The following LINGO2 variants were observed in gnomAD, a reference collection of about 807,000 sequenced individuals.
LINGO2 encodes leucine rich repeat and Ig domain containing 2, also known as leucine-rich repeat and immunoglobulin-like domain-containing nogo receptor-interacting protein 2.
In LINGO2, 14 loss-of-function variants were observed where a neutral mutation model predicts 30.6. The ratio of observed to expected loss-of-function variants is 0.46; its 90% CI spans 0.30 to 0.72. The LOEUF is 0.72. Ranked by LOEUF, LINGO2 falls within the 30% of genes least tolerant of loss-of-function variation. The pLI, the probability that LINGO2 is intolerant of heterozygous loss-of-function variation, is 0.07. For missense variants in LINGO2, 729 were observed against 751.7 expected (o/e 0.97, Z 0.35); for synonymous variants, 317 against 288.5 (o/e 1.10, Z -1.00).
the LINGO2 span, among the ~76,000 whole-genome samples, chr9:29,021,893 A>G: frequency 6.6e-6 from 1 of 152,318 alleles, no homozygotes; most frequent in Admixed American, 6.5e-5. Flanking sequence ...AAAGTTTTAA[A>G]TAGATTAACA....
the LINGO2 span, among the ~76,000 whole-genome samples, chr9:29,156,101 T>C: frequency 6.6e-6 from 1 of 152,162 alleles, no homozygotes. Context: ...ACTGCTACTA[T>C]AGATTGCTCT....
chr9:28,063,084 A>G (rs1825205812), intron 4 of LINGO2, among the ~76,000 whole-genome samples: 1 of 152,172 alleles, frequency 6.6e-6, no homozygotes. Context: ...TGACAGAAGG[A>G]AACCATAGAA....
the LINGO2 span, among the ~76,000 whole-genome samples, chr9:29,040,371 C>A: frequency 6.6e-6 from 1 of 151,694 alleles, no homozygotes; most frequent in South Asian, 2.1e-4. Context: ...ATACCAACAG[C>A]TAACTGAGAG....
chr9:28,244,259 G>T (rs1343952258), intron 4 of LINGO2, among the ~76,000 whole-genome samples: 1 of 152,136 alleles, frequency 6.6e-6, no homozygotes, highest in East Asian at 1.9e-4. Flanking sequence ...CAGAAATCAA[G>T]AAGTTCTTTG....
At chr9:28,948,085 C>G in the LINGO2 span, among the ~76,000 whole-genome samples, 7 of 152,110 alleles carry the variant, frequency 4.6e-5, no homozygotes, top group African/African-American at 1.7e-4. Context: ...CTTGATGACA[C>G]TATTGCTTGC....
At chr9:28,958,514 G>C in the LINGO2 span, among the ~76,000 whole-genome samples, 1 of 152,116 alleles carries the variant, frequency 6.6e-6, no homozygotes, top group Non-Finnish European at 1.5e-5. Context: ...AATGCCGACA[G>C]CCTCTCCAGT....
At chr9:28,170,037 A>T (rs1486008076) in intron 4 of LINGO2, among the ~76,000 whole-genome samples, 1 of 152,198 alleles carries the variant, frequency 6.6e-6, no homozygotes, top group Non-Finnish European at 1.5e-5. Flanking sequence ...CCTGAGCCCG[A>T]CAACAATGGA....
At chr9:28,287,149 A>G (rs1487849705) in intron 4 of LINGO2, among the ~76,000 whole-genome samples, 1 of 152,210 alleles carries the variant, frequency 6.6e-6, no homozygotes, top group Non-Finnish European at 1.5e-5. Flanking sequence ...CACATTTAGA[A>G]ACAAGTTCTT....
chr9:28,433,949 C>CTCTCTCTCTCTCTCTCTCTATATA (rs1225323260), intron 2 of LINGO2, among the ~76,000 whole-genome samples: 6 of 88,544 alleles, frequency 6.8e-5, no homozygotes, highest in African/African-American at 2.7e-4. Flanking sequence ...CTCTCTCTCT[C>CTCTCTCTCTCTCTCTCTCTATATA]TATATATATA....
At chr9:28,516,990 C>A (rs1820642758) in intron 1 of LINGO2, among the ~76,000 whole-genome samples, 1 of 152,212 alleles carries the variant, frequency 6.6e-6, no homozygotes, top group African/African-American at 2.4e-5. Context: ...CAGCATGGAT[C>A]TGTGGCAATA....
chr9:29,209,759 T>C, the LINGO2 span, among the ~76,000 whole-genome samples: 2 of 152,152 alleles, frequency 1.3e-5, no homozygotes, highest in East Asian at 3.8e-4. Flanking sequence ...GGAAGAGGCT[T>C]GGTGACATAT....
chr9:28,677,077 T>C, the LINGO2 span, among the ~76,000 whole-genome samples: 1 of 152,138 alleles, frequency 6.6e-6, no homozygotes, highest in African/African-American at 2.4e-5. Context: ...ACATTACATT[T>C]ATTTGCATGC....
chr9:28,537,946 G>C (rs1461111464), intron 1 of LINGO2, among the ~76,000 whole-genome samples: 1 of 150,596 alleles, frequency 6.6e-6, no homozygotes, highest in East Asian at 1.9e-4. Context: ...AAGAGAAAAA[G>C]TTGCCCTAAA....
At chr9:28,440,067 A>G (rs142115215) in intron 2 of LINGO2, among the ~76,000 whole-genome samples, 1 of 152,166 alleles carries the variant, frequency 6.6e-6, no homozygotes, top group Non-Finnish European at 1.5e-5. Flanking sequence ...GACTGATACA[A>G]TCCTTAAGGG....
chr9:28,861,983 T>G, the LINGO2 span, among the ~76,000 whole-genome samples: 1 of 152,138 alleles, frequency 6.6e-6, no homozygotes, highest in African/African-American at 2.4e-5. Context: ...GAAAAAATAT[T>G]GTGACTTCCT....
chr9:28,048,078 AAC>A (rs1406389304), intron 4 of LINGO2, among the ~76,000 whole-genome samples: 1 of 150,940 alleles, frequency 6.6e-6, no homozygotes. Flanking sequence ...TACTGGCAGA[AAC>A]ACAAAGCCAC....
the LINGO2 span, among the ~76,000 whole-genome samples, chr9:29,133,253 G>A: frequency 2.2e-4 from 34 of 152,144 alleles, no homozygotes; most frequent in African/African-American, 2.9e-4. Context: ...AAATTTTTCC[G>A]CATTCATGCT....
At chr9:28,961,228 A>G in the LINGO2 span, among the ~76,000 whole-genome samples, 2 of 152,134 alleles carry the variant, frequency 1.3e-5, no homozygotes. Context: ...GAATGCACAT[A>G]GGTTTGCCTT....
the LINGO2 span, among the ~76,000 whole-genome samples, chr9:29,127,221 C>A: frequency 6.6e-6 from 1 of 152,094 alleles, no homozygotes; most frequent in East Asian, 1.9e-4. Context: ...GTGGCATGTA[C>A]TCTGAAATCT....
Sources: allele counts gnomAD v4.1 joint callset (sites outside exome capture counted in the v4.1 genomes callset), GRCh38; gene constraint gnomAD v4.1.1; transcripts MANE v1.5; gene names NCBI Gene and HGNC (gene_info 2026-07-23, HGNC 2026-07-21).